Variants in PTPRK observed in about 807,000 individuals in gnomAD.
PTPRK encodes the protein receptor-type tyrosine-protein phosphatase kappa.
PTPRK carries 75 observed loss-of-function variants against 178.0 expected under a neutral mutation model. The ratio of observed to expected loss-of-function variants is 0.42; its 90% CI spans 0.35 to 0.51. The LOEUF (loss-of-function observed/expected upper bound fraction) is 0.51. PTPRK is among the 20% of genes least tolerant of loss of function. The pLI, the probability that PTPRK is intolerant of heterozygous loss-of-function variation, is 0.02. For missense variants in PTPRK, 1,441 were observed against 1,797.8 expected (o/e 0.80, Z 3.59); for synonymous variants, 637 against 620.6 (o/e 1.03, Z -0.39).
chr6:128,167,212 C>G (rs1198570785), intron 7 of PTPRK, among the ~76,000 whole-genome samples: 3 of 151,476 alleles, frequency 2.0e-5, no homozygotes, highest in Non-Finnish European at 4.4e-5. Flanking sequence ...ATGTACACAG[C>G]CAGAAAAAAA....
intron 8 of PTPRK, among the ~76,000 whole-genome samples, chr6:128,087,175 G>A (rs920895001): frequency 2.0e-5 from 3 of 151,998 alleles, no homozygotes; most frequent in Admixed American, 6.6e-5. Flanking sequence ...TATAAGCCTG[G>A]CTGCATTCTT....
chr6:128,505,817 T>A (rs769498793), intron 1 of PTPRK, among the ~76,000 whole-genome samples: 27 of 152,216 alleles, frequency 1.8e-4, no homozygotes, highest in Non-Finnish European at 3.1e-4. Context: ...TGTTGACAGG[T>A]CAAAGAGCAA....
At chr6:128,145,070 A>C (rs1457413950) in intron 7 of PTPRK, among the ~76,000 whole-genome samples, 1 of 152,130 alleles carries the variant, frequency 6.6e-6, no homozygotes, top group Admixed American at 6.6e-5. Context: ...AAGATTTTTC[A>C]ATTGTTTTAG....
intron 1 of PTPRK, among the ~76,000 whole-genome samples, chr6:128,464,653 A>ATATATG (rs1554271923): frequency 4.6e-5 from 5 of 107,702 alleles, no homozygotes; most frequent in Admixed American, 2.7e-4. Flanking sequence ...ATATATATAT[A>ATATATG]TATATATATA....
intron 7 of PTPRK, among the ~76,000 whole-genome samples, chr6:128,091,842 C>A (rs565822457): frequency 1.3e-5 from 2 of 152,082 alleles, no homozygotes; most frequent in Non-Finnish European, 2.9e-5. Flanking sequence ...CTATTTAGTC[C>A]GCACTTACTC....
rs543983099 is a variant in PTPRK, at chr6:128,203,128, T to A, written c.868+15794A>T. Among the ~76,000 whole-genome samples, 10 of 152,136 alleles carry A rather than the reference T, an allele frequency of 6.6e-5. No individual in the cohort carries two copies. In the South Asian group the frequency reaches 2.1e-3, roughly 32 times the overall value. On this transcript the variant is annotated intron_variant, in intron 6 of 29. Transcript: ENST00000368226. The stretch of plus-strand genomic sequence containing the variant: ...TACACAAATAAATAAATGTGATTCA[T>A]CACATAAACAGAACTAAAGACAAAA...
intron 1 of PTPRK, among the ~76,000 whole-genome samples, chr6:128,404,014 G>A (rs1841358487): frequency 6.6e-6 from 1 of 152,138 alleles, no homozygotes; most frequent in East Asian, 1.9e-4. Flanking sequence ...CACAAAACAG[G>A]CCACAGTCTG....
chr6:128,116,782 G>T lies in PTPRK; in HGVS notation c.1163-26790C>A, dbSNP rs139013501. On this transcript the variant is annotated intron_variant, in intron 7 of 29. Transcript: ENST00000368226. ...AATGCAGGTAGAGAAAAGATCTTGT[G>T]TTGAGCAATCATTTATGAAGAGACA... is the stretch of plus-strand genomic sequence containing the variant. Among the ~76,000 whole-genome samples the T allele has an allele frequency of 6.1e-4, 93 of 152,346 alleles. No homozygotes were observed. The East Asian group carries it at 0.014, about 23-fold the overall frequency.
At chr6:128,140,575 T>C (rs1164176601) in intron 7 of PTPRK, among the ~76,000 whole-genome samples, 1 of 152,006 alleles carries the variant, frequency 6.6e-6, no homozygotes, top group Non-Finnish European at 1.5e-5. Flanking sequence ...CAAAAATTTA[T>C]AGAAAAATTT....
chr6:128,161,032 G>C (rs1798631639), intron 7 of PTPRK, among the ~76,000 whole-genome samples: 1 of 151,506 alleles, frequency 6.6e-6, no homozygotes, highest in South Asian at 2.1e-4. Flanking sequence ...AGACCAGATG[G>C]TCTTGTATTC....
intron 13 of PTPRK, among the ~76,000 whole-genome samples, chr6:128,026,326 T>A (rs1419441011): frequency 6.6e-6 from 1 of 152,212 alleles, no homozygotes; most frequent in African/African-American, 2.4e-5. Context: ...TTTGTATATG[T>A]GTAAAGTGGT....
chr6:128,460,854 G>C (rs951776803), intron 1 of PTPRK, among the ~76,000 whole-genome samples: 2 of 152,114 alleles, frequency 1.3e-5, no homozygotes, highest in Non-Finnish European at 2.9e-5. Context: ...GTTGATATTA[G>C]TTTTACATTG....
intron 7 of PTPRK, among the ~76,000 whole-genome samples, chr6:128,170,645 T>C (rs1478292346): frequency 6.6e-6 from 1 of 152,038 alleles, no homozygotes; most frequent in African/African-American, 2.4e-5. Context: ...TTAACAACTG[T>C]TGTTACCTTT....
chr6:128,302,141 C>T (rs545300493), intron 3 of PTPRK, among the ~76,000 whole-genome samples: 94 of 152,146 alleles, frequency 6.2e-4, no homozygotes, highest in African/African-American at 2.2e-3. Context: ...GTAATCTCAA[C>T]ACTTTGGGAG....
chr6:128,344,073 T>C (rs79312407), intron 2 of PTPRK, among the ~76,000 whole-genome samples: 2,082 of 152,310 alleles, frequency 0.014, 51 homozygotes, highest in African/African-American at 0.046. Flanking sequence ...ATAGAACATG[T>C]TTATTCTATC....
At chr6:128,002,756 G>A (rs1354951850) in intron 15 of PTPRK, among the ~76,000 whole-genome samples, 1 of 151,856 alleles carries the variant, frequency 6.6e-6, no homozygotes, top group Admixed American at 6.6e-5. Context: ...TAGAGCAAAT[G>A]CACATAATCC....
chr6:128,049,183 T>G lies in PTPRK; in HGVS notation c.2194+15575A>C, dbSNP rs188679890. Among the ~76,000 whole-genome samples the G allele has an allele frequency of 2.3e-3, 346 of 152,278 alleles. 2 individuals carry two copies. Among genetic ancestry groups the G allele is most frequent in the African/African-American group, 7.4e-3 (309 of 41,568 alleles). ...AGCTTTTATCTATGGAAATGTCAGGTTTTTTAAGAAATAGATTTGACTAAC... is the reference window on the plus strand; with the variant it reads ...AGCTTTTATCTATGGAAATGTCAGGGTTTTTAAGAAATAGATTTGACTAAC... On this transcript the variant is annotated intron_variant, in intron 13 of 29. Transcript: ENST00000368226.
intron 7 of PTPRK, among the ~76,000 whole-genome samples, chr6:128,144,806 C>A (rs1289111341): frequency 6.6e-6 from 1 of 152,050 alleles, no homozygotes; most frequent in East Asian, 1.9e-4. Flanking sequence ...AAAAATATAA[C>A]CAAAGATAAC....
chr6:128,020,375 A>C (rs938727509), intron 13 of PTPRK, among the ~76,000 whole-genome samples: 1 of 152,196 alleles, frequency 6.6e-6, no homozygotes, highest in Non-Finnish European at 1.5e-5. Context: ...ACCCAAAATG[A>C]AATTGTTCTG....
Sources: allele counts gnomAD v4.1 joint callset (sites outside exome capture counted in the v4.1 genomes callset), GRCh38; gene constraint gnomAD v4.1.1; transcripts MANE v1.5; gene names NCBI Gene and HGNC (gene_info 2026-07-23, HGNC 2026-07-21).